The following CCDC82 variants were observed in gnomAD, a reference collection of about 807,000 sequenced individuals.
CCDC82 encodes the protein coiled-coil domain containing 82.
Under a neutral mutation model 60.6 loss-of-function variants are expected in CCDC82, and 47 were observed. The ratio of observed to expected loss-of-function variants is 0.77; its 90% CI spans 0.61 to 0.99. CCDC82 has a LOEUF of 0.99. CCDC82 is among the 50% of genes least tolerant of loss of function. The pLI is 0.00. For synonymous variants in CCDC82, 212 were observed against 207.4 expected, an observed-to-expected ratio of 1.02 and a Z score of -0.19; for missense variants, 588 against 633.0, an observed-to-expected ratio of 0.93 and a Z score of 0.76.
intron 5 of CCDC82, chr11:96,381,076 T>A (rs894880248): frequency 6.6e-6 from 1 of 151,570 alleles, no homozygotes; most frequent in Non-Finnish European, 1.5e-5. Context: ...TACATTCCAT[T>A]CAATATTTCT....
chr11:96,365,359 G>A (rs1186741657), intron 7 of CCDC82, among the ~76,000 whole-genome samples: 1 of 152,086 alleles, frequency 6.6e-6, no homozygotes, highest in Non-Finnish European at 1.5e-5. Flanking sequence ...GCTATTGCAT[G>A]AAAATAAACC....
chr11:96,379,934 C>T (rs952239262), intron 5 of CCDC82, among the ~76,000 whole-genome samples: 1 of 151,476 alleles, frequency 6.6e-6, no homozygotes, highest in African/African-American at 2.4e-5. Context: ...GAGGATGGAA[C>T]CCCTGGAAAC....
At chr11:96,362,967 T>A in intron 8 of CCDC82, among the ~76,000 whole-genome samples, 1 of 151,734 alleles carries the variant, frequency 6.6e-6, no homozygotes, top group Non-Finnish European at 1.5e-5. Flanking sequence ...CTTTTTCTTT[T>A]CTTTTTTTTT....
chr11:96,361,729 T>C (rs1160470378), intron 8 of CCDC82, among the ~76,000 whole-genome samples: 1 of 152,202 alleles, frequency 6.6e-6, no homozygotes, highest in Non-Finnish European at 1.5e-5. Context: ...TCAATTTGTA[T>C]AAAATACTAA....
At chr11:96,367,003 T>C (rs1008114229) in intron 7 of CCDC82, among the ~76,000 whole-genome samples, 2 of 152,238 alleles carry the variant, frequency 1.3e-5, no homozygotes, top group African/African-American at 4.8e-5. Context: ...TGTATGTAAT[T>C]TAAACTACAT....
At chr11:96,360,874 T>C (rs1864626044) in intron 8 of CCDC82, among the ~76,000 whole-genome samples, 1 of 152,244 alleles carries the variant, frequency 6.6e-6, no homozygotes, top group African/African-American at 2.4e-5. Flanking sequence ...AACTGTATTT[T>C]GGACATTTTG....
chr11:96,368,287 G>A (rs1320467894), intron 7 of CCDC82, among the ~76,000 whole-genome samples: 1 of 152,102 alleles, frequency 6.6e-6, no homozygotes, highest in East Asian at 1.9e-4. Flanking sequence ...ATAATATTTT[G>A]AAAAGAATCT....
chr11:96,365,270 C>T (rs1864888554), intron 7 of CCDC82, 120 bp from the exon 8 acceptor site: 1 of 583,602 alleles, frequency 1.7e-6, no homozygotes, highest in Non-Finnish European at 2.9e-6. Flanking sequence ...GCAAAACACC[C>T]TGGCATTTCT....
Position 96,352,933 on chromosome 11 carries a change from A to G in CCDC82, c.*713T>C, listed in dbSNP as rs910581110. On this transcript the variant is annotated 3_prime_UTR_variant, in exon 10 of 10. Transcript: ENST00000646818. ...TACTTATATGGAAAAAGCTATGGAT[A>G]AAAATAAATAAAATACATCTTAATC... 1.3e-5 allele frequency: 2 copies of G among 152,236 alleles called. No homozygotes were observed. The highest frequency in any genetic ancestry group is 3.8e-4 in the East Asian group (2 of 5,204). 9.4% of individuals were successfully genotyped at this position (152,236 alleles called of 1,614,324 possible).
chr11:96,356,258 G>A, intron 9 of CCDC82: 1 of 197,784 alleles, frequency 5.1e-6, no homozygotes, highest in Non-Finnish European at 9.1e-6. Context: ...GGGGAAAAAA[G>A]GGGCAAGGGA....
intron 5 of CCDC82, chr11:96,383,049 A>G (rs1474047205): frequency 2.1e-6 from 1 of 476,948 alleles, no homozygotes; most frequent in Non-Finnish European, 3.7e-6. Context: ...ATTGACAGGC[A>G]TAACTCATTG....
intron 5 of CCDC82, among the ~76,000 whole-genome samples, chr11:96,378,396 T>C (rs1178956346): frequency 6.6e-6 from 1 of 152,022 alleles, no homozygotes; most frequent in African/African-American, 2.4e-5. Flanking sequence ...TACCTTTACC[T>C]TATACTGCAA....
At chr11:96,372,683 T>C (rs1865342206) in intron 6 of CCDC82, among the ~76,000 whole-genome samples, 1 of 139,010 alleles carries the variant, frequency 7.2e-6, no homozygotes, top group African/African-American at 2.9e-5. Context: ...TATATAAATA[T>C]AAATAAATAT....
intron 5 of CCDC82, among the ~76,000 whole-genome samples, chr11:96,377,498 C>T (rs911340908): frequency 3.9e-5 from 6 of 152,002 alleles, no homozygotes; most frequent in Non-Finnish European, 8.8e-5. Flanking sequence ...TGTCATGTTC[C>T]TCATTTTAAG....
At chr11:96,383,534 T>C in intron 4 of CCDC82, 61 bp from the exon 5 acceptor site, 3 of 1,075,870 alleles carry the variant, frequency 2.8e-6, no homozygotes, top group East Asian at 2.5e-5. Context: ...AGCATCGATA[T>C]AAAATTAAAA....
At chr11:96,371,407 C>G (rs1007387601) in intron 6 of CCDC82, among the ~76,000 whole-genome samples, 1 of 152,020 alleles carries the variant, frequency 6.6e-6, no homozygotes, top group Non-Finnish European at 1.5e-5. Context: ...ACGGTGAAAC[C>G]CCATCTCTAC....
At position 96,353,932 on chromosome 11, in the gene CCDC82, G is replaced by A. The variant is rs1864216899; in HGVS notation, c.1567-218C>T. 6 of 364,230 alleles carry A rather than the reference G, an allele frequency of 1.6e-5. No homozygotes were observed. The South Asian group carries it at 4.1e-4, about 25-fold the overall frequency. The allele number at this position is 364,230 out of a possible 1,614,324, so 22.6% of individuals were successfully genotyped here. The stretch of plus-strand genomic sequence containing the variant: ...GAAAGCATTGGAAAGTGATCAAAGT[G>A]AATATTATTAATTTTATAACTGTGT... On this transcript the variant is annotated intron_variant, in intron 9 of 9. Transcript: ENST00000646818.
At chr11:96,372,727 TATAA>T (rs987470511) in intron 6 of CCDC82, among the ~76,000 whole-genome samples, 16 of 145,426 alleles carry the variant, frequency 1.1e-4, no homozygotes, top group African/African-American at 4.0e-4. Flanking sequence ...TATTTATATA[TATAA>T]ATATATAAAT....
intron 7 of CCDC82, among the ~76,000 whole-genome samples, chr11:96,368,686 G>A (rs542015587): frequency 2.6e-5 from 4 of 151,966 alleles, no homozygotes; most frequent in Non-Finnish European, 5.9e-5. Flanking sequence ...ATAAGATGGC[G>A]AAACCCCGTC....
Sources: gnomAD v4.1 joint callset for allele counts (sites outside exome capture counted in the v4.1 genomes callset) on GRCh38, gnomAD v4.1.1 for gene constraint, MANE v1.5 for transcripts, NCBI Gene and HGNC (gene_info 2026-07-23, HGNC 2026-07-21) for gene names.